The following CAMK2D variants were observed in gnomAD, a reference collection of about 807,000 sequenced individuals.
The protein encoded by CAMK2D is calcium/calmodulin dependent protein kinase II delta.
Under a neutral mutation model 84.0 loss-of-function variants are expected in CAMK2D, and 37 were observed. That is an observed-to-expected ratio of 0.44 (90% CI 0.34 to 0.58). The LOEUF is 0.58. CAMK2D is among the 20% of genes least tolerant of loss of function. The pLI is 0.02. For synonymous variants in CAMK2D, 202 were observed against 212.5 expected (o/e 0.95, Z 0.43); for missense variants, 448 against 652.5 (o/e 0.69, Z 3.41).
intron 3 of CAMK2D, among the ~76,000 whole-genome samples, chr4:113,623,796 T>C (rs1167444376): frequency 6.6e-6 from 1 of 152,104 alleles, no homozygotes; most frequent in Non-Finnish European, 1.5e-5. Context: ...TCATGTTATA[T>C]GAATGTACCA....
chr4:113,736,146 C>A (rs1004487428), intron 2 of CAMK2D, among the ~76,000 whole-genome samples: 38 of 124,158 alleles, frequency 3.1e-4, no homozygotes, highest in East Asian at 5.1e-4. Context: ...AAAAAAAAAA[C>A]AACACCCAGT....
chr4:113,624,585 G>A (rs41493049), intron 3 of CAMK2D, among the ~76,000 whole-genome samples: 7,097 of 152,168 alleles, frequency 0.047, 481 homozygotes, highest in African/African-American at 0.14. Context: ...GAGACAACAC[G>A]TGAGCAGTAA....
chr4:113,574,883 A>G (rs902893776), intron 4 of CAMK2D, among the ~76,000 whole-genome samples: 1 of 152,220 alleles, frequency 6.6e-6, no homozygotes, highest in Non-Finnish European at 1.5e-5. Context: ...AGACACTGTC[A>G]CTGCTGAATT....
rs10553216 is a variant in CAMK2D, at chr4:113,452,133, T to TA, written c.*2411dup. On this transcript the variant is annotated 3_prime_UTR_variant, in exon 21 of 21. Transcript: ENST00000511664. ...AAGTGTTACAAGGACAGGTTCGTAT[T>TA]AAAAAAAAAAAAAAAAAGCAGCCAT... is the stretch of plus-strand genomic sequence containing the variant. 0.25 allele frequency: 34,619 copies of TA among 138,534 alleles called. 4,631 individuals carry two copies. The highest frequency in any genetic ancestry group is 0.44 in the East Asian group (2,039 of 4,642). 8.6% of individuals were successfully genotyped at this position (138,534 alleles called of 1,614,324 possible).
intron 3 of CAMK2D, among the ~76,000 whole-genome samples, chr4:113,643,139 T>C (rs1202911246): frequency 6.6e-6 from 1 of 152,218 alleles, no homozygotes; most frequent in East Asian, 1.9e-4. Flanking sequence ...TCCACAAAAC[T>C]GAAAGTCTTT....
chr4:113,684,676 TCA>T (rs1333882250), intron 2 of CAMK2D, among the ~76,000 whole-genome samples: 1 of 152,114 alleles, frequency 6.6e-6, no homozygotes, highest in Non-Finnish European at 1.5e-5. Context: ...CCAGAAAGTC[TCA>T]GTTACTGGAA....
At chr4:113,527,493 T>C (rs552026624) in intron 8 of CAMK2D, among the ~76,000 whole-genome samples, 5 of 152,262 alleles carry the variant, frequency 3.3e-5, no homozygotes, top group African/African-American at 1.2e-4. Flanking sequence ...ACATAACTTC[T>C]ATATGTACTG....
At chr4:113,759,265 A>G (rs1047208791) in intron 2 of CAMK2D, 55 bp downstream of exon 2, 2 of 1,081,900 alleles carry the variant, frequency 1.8e-6, no homozygotes, top group Non-Finnish European at 2.8e-6. Flanking sequence ...AACAGAACCT[A>G]TAATCAACAT....
chr4:113,495,520 T>C (rs1394432327), intron 16 of CAMK2D, among the ~76,000 whole-genome samples: 5 of 152,148 alleles, frequency 3.3e-5, no homozygotes, highest in Non-Finnish European at 7.3e-5. Context: ...ATCATACTAT[T>C]CACTAATGTA....
intron 16 of CAMK2D, among the ~76,000 whole-genome samples, chr4:113,492,269 T>G (rs982784517): frequency 3.3e-5 from 5 of 152,286 alleles, no homozygotes; most frequent in East Asian, 1.9e-4. Flanking sequence ...GCTTTCTCTT[T>G]TTGGCATTTA....
At chr4:113,542,456 G>GTT (rs2098536691) in intron 6 of CAMK2D, among the ~76,000 whole-genome samples, 1 of 151,948 alleles carries the variant, frequency 6.6e-6, no homozygotes, top group Non-Finnish European at 1.5e-5. Context: ...TGGCTCGTGC[G>GTT]TGTAATCCCA....
chr4:113,698,797 C>T (rs574482788), intron 2 of CAMK2D, among the ~76,000 whole-genome samples: 1 of 152,030 alleles, frequency 6.6e-6, no homozygotes, highest in African/African-American at 2.4e-5. Flanking sequence ...ATCCAATTTA[C>T]ATAAATTAAA....
intron 2 of CAMK2D, among the ~76,000 whole-genome samples, chr4:113,751,521 C>T (rs2099617178): frequency 6.6e-6 from 1 of 152,088 alleles, no homozygotes; most frequent in Admixed American, 6.6e-5. Flanking sequence ...CCTGTAATCC[C>T]AGCACTTTGG....
At chr4:113,752,993 G>A (rs1195227906) in intron 2 of CAMK2D, among the ~76,000 whole-genome samples, 1 of 152,006 alleles carries the variant, frequency 6.6e-6, no homozygotes, top group Non-Finnish European at 1.5e-5. Context: ...AGCACACACA[G>A]GTAAATACAG....
chr4:113,600,509 T>A (rs955779225), intron 4 of CAMK2D, among the ~76,000 whole-genome samples: 1 of 152,144 alleles, frequency 6.6e-6, no homozygotes, highest in African/African-American at 2.4e-5. Context: ...ATTGTCAAAG[T>A]TTCAAAAAAT....
chr4:113,655,756 A>T (rs762597808), intron 3 of CAMK2D, among the ~76,000 whole-genome samples: 69 of 152,106 alleles, frequency 4.5e-4, no homozygotes, highest in Admixed American at 1.3e-3. Context: ...GGACAATCAG[A>T]TAAGTCAGAT....
intron 3 of CAMK2D, among the ~76,000 whole-genome samples, chr4:113,654,478 T>C (rs982716378): frequency 3.3e-5 from 5 of 152,032 alleles, no homozygotes; most frequent in Admixed American, 3.3e-4. Flanking sequence ...CTGTAACTTA[T>C]GCTGTCTAAA....
chr4:113,679,451 A>G (rs1248764423), intron 2 of CAMK2D: 1 of 980,060 alleles, frequency 1.0e-6, no homozygotes. Context: ...CTAGATGTCC[A>G]TCATATATTC....
rs566078078 is a variant in CAMK2D at position 113,546,230 on chromosome 4, G to C, written c.414+1414C>G. On this transcript the variant is annotated intron_variant, in intron 6 of 20. Coordinates refer to ENST00000511664, the MANE Select transcript of CAMK2D (RefSeq NM_001321571.2). The stretch of plus-strand genomic sequence containing the variant: ...TATATGTTCACTTAAAAGGAAAGTA[G>C]TGCTGTGGGTTCTGAGAGGTAACAA... Among the ~76,000 whole-genome samples the C allele has an allele frequency of 2.0e-5, 3 of 152,328 alleles. No individual in the cohort carries two copies. In the South Asian group the frequency reaches 6.2e-4, roughly 32 times the overall value.
Sources: allele counts gnomAD v4.1 joint callset (sites outside exome capture counted in the v4.1 genomes callset), GRCh38; gene constraint gnomAD v4.1.1; transcripts MANE v1.5; gene names NCBI Gene and HGNC (gene_info 2026-07-23, HGNC 2026-07-21).